The following SGTA variants were observed in gnomAD, a reference collection of about 807,000 sequenced individuals.
SGTA encodes the protein small glutamine-rich tetratricopeptide repeat-containing protein alpha.
In SGTA, 22 loss-of-function variants were observed where a neutral mutation model predicts 44.3. That is an observed-to-expected ratio of 0.50 (90% CI 0.36 to 0.71). The LOEUF is 0.71. Among genes scored for constraint, SGTA ranks in the 30% least tolerant of loss-of-function variants. The probability of loss-of-function intolerance (pLI) is 0.00; values close to 1 mark genes in which losing one functional copy is unlikely to be tolerated. For synonymous variants in SGTA, 174 were observed against 177.6 expected (o/e 0.98, Z 0.16); for missense variants, 341 against 435.9 (o/e 0.78, Z 1.94).
intron 8 of SGTA, among the ~76,000 whole-genome samples, chr19:2,760,952 C>A (rs924233928): frequency 5.3e-5 from 8 of 152,200 alleles, no homozygotes; most frequent in Admixed American, 5.2e-4. Context: ...CTCCGAGGAT[C>A]CCAGTCAAGG....
chr19:2,760,059 A>G (rs1914939842), intron 8 of SGTA, among the ~76,000 whole-genome samples: 1 of 152,192 alleles, frequency 6.6e-6, no homozygotes, highest in African/African-American at 2.4e-5. Flanking sequence ...ACCTGTTGAA[A>G]GGAGGTGGCT....
At chr19:2,777,274 C>T (rs1158647758) in intron 1 of SGTA, among the ~76,000 whole-genome samples, 1 of 150,616 alleles carries the variant, frequency 6.6e-6, no homozygotes, top group African/African-American at 2.5e-5. Flanking sequence ...AAAGACCAGG[C>T]GCAGTGGCTC....
chr19:2,780,524 C>A (rs1403904204), intron 1 of SGTA, among the ~76,000 whole-genome samples: 6 of 152,178 alleles, frequency 3.9e-5, no homozygotes, highest in African/African-American at 1.4e-4. Context: ...AAACCCTGTA[C>A]ATGCCACTCA....
At chr19:2,774,763 T>TACA (rs1220280849) in intron 1 of SGTA, among the ~76,000 whole-genome samples, 1 of 152,120 alleles carries the variant, frequency 6.6e-6, no homozygotes, top group Non-Finnish European at 1.5e-5. Context: ...ATCACAGGTG[T>TACA]GAGCCACCAT....
At chr19:2,772,713 T>G (rs537499809) in intron 1 of SGTA, among the ~76,000 whole-genome samples, 1 of 152,244 alleles carries the variant, frequency 6.6e-6, no homozygotes, top group South Asian at 2.1e-4. Context: ...AAGGGGACAT[T>G]TGGATGCAGA....
Position 2,755,646 on chromosome 19 carries a change from T to C in SGTA, c.*294A>G. The C allele has an allele frequency of 1.0e-6, 1 of 985,408 alleles. No homozygotes were observed. The highest frequency in any genetic ancestry group is 1.2e-6 in the Non-Finnish European group (1 of 829,960). The allele number at this position is 985,408 out of a possible 1,614,324, so 61.0% of individuals were successfully genotyped here. A position where few individuals can be genotyped will look rare whatever the true frequency, so the allele number is the denominator to read the frequency against. On this transcript the variant is annotated 3_prime_UTR_variant, in exon 12 of 12. Coordinates refer to ENST00000221566, the MANE Select transcript of SGTA (RefSeq NM_003021.4). This position sits in a 1 kb window ranked among gnomAD's most constrained non-coding sequence, Gnocchi z 5.2. ...AGAGCGGCCCGGGAGCACCCCAGGA[T>C]TCTAGAAAACACTCAAGTGACCGAG... is the stretch of plus-strand genomic sequence containing the variant.
intron 11 of SGTA, among the ~76,000 whole-genome samples, chr19:2,756,220 A>G (rs764011848): frequency 6.6e-6 from 1 of 152,124 alleles, no homozygotes; most frequent in Non-Finnish European, 1.5e-5. Flanking sequence ...TAAAAAAAGA[A>G]AAGGAAAAAT....
At chr19:2,774,060 C>T (rs758797359) in intron 1 of SGTA, among the ~76,000 whole-genome samples, 57 of 152,298 alleles carry the variant, frequency 3.7e-4, no homozygotes, top group Non-Finnish European at 7.5e-4. Flanking sequence ...GAACGAGCCC[C>T]GACAGAACCT....
At chr19:2,760,765 C>G (rs1185721804) in intron 8 of SGTA, among the ~76,000 whole-genome samples, 3 of 152,126 alleles carry the variant, frequency 2.0e-5, no homozygotes, top group Non-Finnish European at 4.4e-5. Context: ...AATGGCACGA[C>G]CCGGGCAGGG....
chr19:2,767,799 G>A lies in SGTA; in HGVS notation c.101-113C>T. 2 of 794,166 alleles carry A rather than the reference G, an allele frequency of 2.5e-6. No individual in the cohort carries two copies. Among genetic ancestry groups the A allele is most frequent in the Non-Finnish European group, 4.3e-6 (2 of 463,610 alleles). The allele number at this position is 794,166 out of a possible 1,614,324, so 49.2% of individuals were successfully genotyped here. A position where few individuals can be genotyped will look rare whatever the true frequency, so the allele number is the denominator to read the frequency against. On this transcript the variant is annotated intron_variant, in intron 2 of 11. Transcript: ENST00000221566. The surrounding 1 kb of genome is among the most constrained non-coding windows in gnomAD (Gnocchi z 7.3). Reference sequence around the variant, plus strand: ...CTTCCCCAGGTGTGTTCATTCCCAAGGACCCCAGAACGCAGGGGCCGCCGC... The same window carrying A: ...CTTCCCCAGGTGTGTTCATTCCCAAAGACCCCAGAACGCAGGGGCCGCCGC...
Position 2,765,382 on chromosome 19 carries a change from C to T in SGTA, c.293-97G>A, listed in dbSNP as rs752230645. The T allele has an allele frequency of 1.6e-5, 14 of 878,062 alleles. No individual in the cohort carries two copies. Among genetic ancestry groups the T allele is most frequent in the East Asian group, 2.6e-5 (1 of 37,874 alleles). 54.4% of individuals were successfully genotyped at this position (878,062 alleles called of 1,614,324 possible). A position where few individuals can be genotyped will look rare whatever the true frequency, so the allele number is the denominator to read the frequency against. ...CACCGGCCTGGTGTCCACACAGACCCGAGGGGGCGTCACACTTGGCTCTTC... is the reference window on the plus strand; with the variant it reads ...CACCGGCCTGGTGTCCACACAGACCTGAGGGGGCGTCACACTTGGCTCTTC... On this transcript the variant is annotated intron_variant, in intron 4 of 11. Transcript: ENST00000221566. This position sits in a 1 kb window ranked among gnomAD's most constrained non-coding sequence, Gnocchi z 5.5.
At chr19:2,771,816 C>T (rs1331583388) in intron 1 of SGTA, among the ~76,000 whole-genome samples, 1 of 152,236 alleles carries the variant, frequency 6.6e-6, no homozygotes, top group Non-Finnish European at 1.5e-5. Flanking sequence ...AGGGGCAGCC[C>T]TTGGGGAGGC....
At position 2,767,087 on chromosome 19, in the gene SGTA, G is replaced by A. The variant is rs75418008; in HGVS notation, c.292+49C>T. 7,269 of 1,396,654 alleles carry A rather than the reference G, an allele frequency of 5.2e-3. 261 individuals carry two copies. In the African/African-American group the frequency reaches 0.084, roughly 16 times the overall value. 86.5% of individuals were successfully genotyped at this position (1,396,654 alleles called of 1,614,324 possible). On this transcript the variant is annotated intron_variant, in intron 4 of 11. Transcript: ENST00000221566. The surrounding 1 kb of genome is among the most constrained non-coding windows in gnomAD (Gnocchi z 7.3). Reference sequence around the variant, plus strand: ...GCCTCTGCGAGGGTCCCACAGCCCCGGAGTCCAGGTAGGGCGAGGTGTCTG... The same window carrying A: ...GCCTCTGCGAGGGTCCCACAGCCCCAGAGTCCAGGTAGGGCGAGGTGTCTG...
At chr19:2,768,759 A>C (rs1915218228) in intron 2 of SGTA, among the ~76,000 whole-genome samples, 1 of 152,242 alleles carries the variant, frequency 6.6e-6, no homozygotes. Context: ...TGGTGGCGCC[A>C]CGCAGTGGCA....
chr19:2,776,676 T>C (rs770529283), intron 1 of SGTA, among the ~76,000 whole-genome samples: 3 of 152,212 alleles, frequency 2.0e-5, no homozygotes, highest in African/African-American at 4.8e-5. Flanking sequence ...CTGATTAAGA[T>C]GGTAATTTTT....
chr19:2,781,330 C>T (rs938172546), intron 1 of SGTA, among the ~76,000 whole-genome samples: 2 of 152,132 alleles, frequency 1.3e-5, no homozygotes, highest in East Asian at 1.9e-4. Context: ...GCTGTACATG[C>T]GATAGCTTAT....
At position 2,769,030 on chromosome 19, in the gene SGTA, C is replaced by T. The variant is rs536070559; in HGVS notation, c.39G>A (p.Gln13=). The T allele has an allele frequency of 6.2e-7, 1 of 1,614,054 alleles. No individual in the cohort carries two copies. The highest frequency in any genetic ancestry group is 1.7e-5 in the Admixed American group (1 of 60,022). The change falls in exon 2 of 12, where the codon CAG becomes CAA. Residue 13 remains glutamine, a synonymous_variant. Transcript: ENST00000221566. ...NKKRLAYAII[Q]FLHDQLRHGG... Reference sequence around the variant, plus strand: ...CGTGCCGGAGCTGGTCATGCAGGAACTGGATGATGGCGTAGGCCAGGCGCT... The same window carrying T: ...CGTGCCGGAGCTGGTCATGCAGGAATTGGATGATGGCGTAGGCCAGGCGCT...
intron 2 of SGTA, 99 bp downstream of exon 2, chr19:2,768,870 C>G: frequency 4.5e-6 from 4 of 882,536 alleles, no homozygotes; most frequent in Non-Finnish European, 7.3e-6. Flanking sequence ...CCCCAAAAAG[C>G]CAGGCGGGGG....
rs544188759 is a variant in SGTA at position 2,777,076 on chromosome 19, A to G, written c.-24+6157T>C. 5.0e-4 allele frequency among the ~76,000 whole-genome samples: 76 copies of G among 151,648 alleles called. 1 individual carries two copies. Among genetic ancestry groups the G allele is most frequent in the Non-Finnish European group, 3.1e-4 (21 of 67,988 alleles). ...TCAGGAGTTCGAGACCAGCCTGACC[A>G]ACAGGTGAAACCCAGTGTACAAAAA... On this transcript the variant is annotated intron_variant, in intron 1 of 11. Transcript: ENST00000221566.
Sources: allele counts gnomAD v4.1 joint callset (sites outside exome capture counted in the v4.1 genomes callset), GRCh38; gene constraint gnomAD v4.1.1; non-coding constraint Gnocchi (gnomAD v3.1); transcripts MANE v1.5; gene names NCBI Gene and HGNC (gene_info 2026-07-23, HGNC 2026-07-21).